The following PCDHA4 variants were observed in gnomAD, a reference collection of about 807,000 sequenced individuals.
PCDHA4 encodes the protein protocadherin alpha-4.
Under a neutral mutation model 61.4 loss-of-function variants are expected in PCDHA4, and 49 were observed. That is an observed-to-expected ratio of 0.80 (90% CI 0.63 to 1.01). The LOEUF (loss-of-function observed/expected upper bound fraction) is 1.01. Among genes scored for constraint, PCDHA4 ranks in the 50% least tolerant of loss-of-function variants. The pLI is 0.00. For synonymous variants in PCDHA4, 590 were observed against 550.3 expected (o/e 1.07, Z -1.01); for missense variants, 1,254 against 1,235.8 (o/e 1.01, Z -0.22).
chr5:140,886,004 A>G lies in PCDHA4; in HGVS notation c.2385+76432A>G, dbSNP rs544401095. On this transcript the variant is annotated intron_variant, in intron 1 of 3. Transcript: ENST00000530339. Reference sequence around the variant, plus strand: ...TCGCATGTGGTTGAAAGAAATAGTAAAGGGAGATGCTATGTATTCTTCACT... The same window carrying G: ...TCGCATGTGGTTGAAAGAAATAGTAGAGGGAGATGCTATGTATTCTTCACT... Among the ~76,000 whole-genome samples, 7 of 152,268 alleles carry G rather than the reference A, an allele frequency of 4.6e-5. No homozygotes were observed. In the East Asian group the frequency reaches 1.3e-3, roughly 29 times the overall value.
intron 1 of PCDHA4, among the ~76,000 whole-genome samples, chr5:140,916,170 G>A (rs782402888): frequency 1.5e-4 from 23 of 152,106 alleles, no homozygotes; most frequent in Non-Finnish European, 2.9e-4. Flanking sequence ...TGCCAGGCCT[G>A]GGACTCTTCA....
intron 1 of PCDHA4, chr5:140,883,205 A>C: frequency 6.2e-7 from 1 of 1,614,036 alleles, no homozygotes; most frequent in Non-Finnish European, 8.5e-7. Flanking sequence ...TTTCGAAGAA[A>C]AGAAATTATA....
chr5:140,877,944 A>C (rs538675333), intron 1 of PCDHA4: 48 of 1,359,672 alleles, frequency 3.5e-5, no homozygotes, highest in Non-Finnish European at 4.6e-5. Context: ...CCTTTAAACT[A>C]TCGAATGTCT....
At chr5:140,848,964 G>C in intron 1 of PCDHA4, 1 of 1,606,312 alleles carries the variant, frequency 6.2e-7, no homozygotes, top group Non-Finnish European at 8.5e-7. Flanking sequence ...ACTAGAGGGC[G>C]CGTCCGATGC....
chr5:140,888,270 G>A (rs965190959), intron 1 of PCDHA4, among the ~76,000 whole-genome samples: 9 of 152,102 alleles, frequency 5.9e-5, no homozygotes. Flanking sequence ...ATAAGAAACA[G>A]TTTTGTCCCC....
chr5:140,884,384 G>T (rs782701367), intron 1 of PCDHA4: 1 of 1,613,972 alleles, frequency 6.2e-7, no homozygotes. Flanking sequence ...TGCCATCTGC[G>T]CGGTGTCCAG....
At position 140,931,440 on chromosome 5, in the gene PCDHA4, A is replaced by C. The variant is rs539915059; in HGVS notation, c.2386-47509A>C. Among the ~76,000 whole-genome samples the C allele has an allele frequency of 2.1e-5, 3 of 141,482 alleles. No individual in the cohort carries two copies. In the South Asian group the frequency reaches 6.9e-4, roughly 32 times the overall value. 92.8% of individuals were successfully genotyped at this position (141,482 alleles called of 152,430 possible). A position where few individuals can be genotyped will look rare whatever the true frequency, so the allele number is the denominator to read the frequency against. ...CTAGAAGTTAGAAGGAAAATTAGCT[A>C]TTTAAAAGGAAAAATATAGGAATGA... On this transcript the variant is annotated intron_variant, in intron 1 of 3. Transcript: ENST00000530339.
rs2098421681 is a variant in PCDHA4, at chr5:141,011,735, A to C, written c.*1798A>C. 1 of 153,882 alleles carries C rather than the reference A, an allele frequency of 6.5e-6. No individual in the cohort carries two copies. Among genetic ancestry groups the C allele is most frequent in the South Asian group, 2.1e-4 (1 of 4,828 alleles). 9.5% of individuals were successfully genotyped at this position (153,882 alleles called of 1,614,324 possible). A position where few individuals can be genotyped will look rare whatever the true frequency, so the allele number is the denominator to read the frequency against. ...TATTCCATGAGGGTGTGCAAGCACA[A>C]ATTTTACCAATCTGACCTCTTTGAA... On this transcript the variant is annotated 3_prime_UTR_variant, in exon 4 of 4. Transcript: ENST00000530339.
intron 1 of PCDHA4, chr5:140,851,337 C>A: frequency 1.0e-6 from 1 of 979,030 alleles, no homozygotes; most frequent in Non-Finnish European, 1.2e-6. Flanking sequence ...TAGTTCTCTA[C>A]ATTTCTCTGG....
intron 1 of PCDHA4, among the ~76,000 whole-genome samples, chr5:140,908,387 T>A (rs536105622): frequency 1.3e-5 from 2 of 152,230 alleles, no homozygotes; most frequent in Admixed American, 1.3e-4. Flanking sequence ...TCGAGCCCGA[T>A]CACATATATA....
At chr5:140,882,319 G>A in intron 1 of PCDHA4, 1 of 1,614,136 alleles carries the variant, frequency 6.2e-7, no homozygotes, top group Admixed American at 1.7e-5. Context: ...TACTGCTCTG[G>A]CTTCTGATCC....
At chr5:140,986,398 G>C (rs973049448) in intron 3 of PCDHA4, among the ~76,000 whole-genome samples, 1 of 152,174 alleles carries the variant, frequency 6.6e-6, no homozygotes, top group Non-Finnish European at 1.5e-5. Context: ...AGGGCCAGTC[G>C]CTCATGTTAC....
intron 1 of PCDHA4, chr5:140,828,110 G>A (rs2150151051): frequency 6.2e-7 from 1 of 1,611,644 alleles, no homozygotes; most frequent in African/African-American, 1.3e-5. Flanking sequence ...TACCCCGGAG[G>A]ATAGATTGGG....
At position 140,842,838 on chromosome 5, in the gene PCDHA4, G is replaced by A. The variant is rs1265674507; in HGVS notation, c.2385+33266G>A. 6.3e-7 allele frequency: 1 copy of A among 1,593,906 alleles called. No homozygotes were observed. Among genetic ancestry groups the A allele is most frequent in the South Asian group, 1.1e-5 (1 of 90,422 alleles). ...CGGGTGGGCGAGCGCTCGCTGTCGAGCTACATTTCGGTGCACACGGAGAGC... is the reference window on the plus strand; with the variant it reads ...CGGGTGGGCGAGCGCTCGCTGTCGAACTACATTTCGGTGCACACGGAGAGC... On this transcript the variant is annotated intron_variant, in intron 1 of 3. Transcript: ENST00000530339.
At chr5:140,855,797 T>C in intron 1 of PCDHA4, 1 of 465,668 alleles carries the variant, frequency 2.1e-6, no homozygotes, top group South Asian at 4.0e-5. Context: ...AATTAACATA[T>C]GAATGAAAGA....
At chr5:140,868,965 G>A (rs2050767308) in intron 1 of PCDHA4, 1 of 1,430,146 alleles carries the variant, frequency 7.0e-7, no homozygotes, top group Non-Finnish European at 9.4e-7. Flanking sequence ...CCATACAAAG[G>A]AACTCCATCA....
chr5:140,884,559 C>G lies in PCDHA4; in HGVS notation c.2385+74987C>G. On this transcript the variant is annotated intron_variant, in intron 1 of 3. Transcript: ENST00000530339. ...CCGAGGGTGTGCTCTGGGGAGGGCC[C>G]GCATAAGACGGACCTCATGGCCTTC... The G allele has an allele frequency of 1.2e-6, 2 of 1,614,094 alleles. No individual in the cohort carries two copies. The highest frequency in any genetic ancestry group is 1.7e-5 in the Admixed American group (1 of 59,984).
intron 1 of PCDHA4, chr5:140,836,475 G>A: frequency 6.2e-7 from 1 of 1,613,846 alleles, no homozygotes; most frequent in Non-Finnish European, 8.5e-7. Context: ...GGATGTCAAC[G>A]TGTACCTGAT....
chr5:140,967,116 G>T, intron 1 of PCDHA4: 1 of 1,612,922 alleles, frequency 6.2e-7, no homozygotes, highest in Non-Finnish European at 8.5e-7. Flanking sequence ...CGGCCTCGCT[G>T]CCTGCTCAGC....
Sources: gnomAD v4.1 joint callset for allele counts (sites outside exome capture counted in the v4.1 genomes callset) on GRCh38, gnomAD v4.1.1 for gene constraint, MANE v1.5 for transcripts, NCBI Gene and HGNC (gene_info 2026-07-23, HGNC 2026-07-21) for gene names.